Variants in PLCL2 observed in about 807,000 individuals in gnomAD.
The protein encoded by PLCL2 is phospholipase C like 2, also known as inactive phospholipase C-like protein 2.
A neutral mutation model predicts 79.6 loss-of-function variants in PLCL2; 4 were observed. The ratio of observed to expected loss-of-function variants is 0.05; its 90% confidence interval spans 0.02 to 0.11. The LOEUF (loss-of-function observed/expected upper bound fraction) is 0.11. Ranked by LOEUF, PLCL2 falls within the 10% of genes least tolerant of loss-of-function variation. PLCL2 has a pLI of 1.00. For synonymous variants in PLCL2, 484 were observed against 457.7 expected, an observed-to-expected ratio of 1.06 and a Z score of -0.73; for missense variants, 895 against 1,291.0, an observed-to-expected ratio of 0.69 and a Z score of 4.70.
intron 4 of PLCL2, among the ~76,000 whole-genome samples, chr3:17,062,937 C>T (rs2064966607): frequency 6.6e-6 from 1 of 152,042 alleles, no homozygotes; most frequent in Non-Finnish European, 1.5e-5. Flanking sequence ...CCTGAATCTG[C>T]CTTCCTGTTT....
At chr3:17,046,312 A>G (rs1367458242) in intron 4 of PLCL2, among the ~76,000 whole-genome samples, 1 of 152,206 alleles carries the variant, frequency 6.6e-6, no homozygotes, top group Admixed American at 6.5e-5. Flanking sequence ...AGTCTTTTCC[A>G]CTTTCTAATA....
chr3:16,991,555 A>G (rs1267610421), intron 1 of PLCL2, among the ~76,000 whole-genome samples: 2 of 152,166 alleles, frequency 1.3e-5, no homozygotes, highest in African/African-American at 2.4e-5. Context: ...AAGAAAATCC[A>G]TTATATCTTC....
Position 17,011,686 on chromosome 3 carries a change from T to A in PLCL2, c.2340T>A (p.Asp780Glu). ...CAGGTGCCAAAGGTGATGTGGTAGA[T>A]CCTTATGTCTATGTTGAAATCCATG... ...KGSGAKGDVV[D>E]PYVYVEIHGI... Residue 780 changes from aspartate to glutamate, a missense_variant, in exon 2 of 6, where the codon GAT (aspartate) becomes GAA (glutamate). Physicochemically the swap from Asp to Glu is conservative, Grantham distance 45. Coordinates refer to ENST00000615277, the MANE Select transcript of PLCL2 (RefSeq NM_001144382.2). This position sits in a 1 kb window ranked among gnomAD's most constrained non-coding sequence, Gnocchi z 7.9. 2.5e-6 allele frequency: 4 copies of A among 1,614,136 alleles called. No individual in the cohort carries two copies. The highest frequency in any genetic ancestry group is 3.4e-6 in the Non-Finnish European group (4 of 1,180,026).
intron 1 of PLCL2, among the ~76,000 whole-genome samples, chr3:16,896,679 G>C (rs1428759767): frequency 6.6e-6 from 1 of 152,168 alleles, no homozygotes; most frequent in South Asian, 2.1e-4. Flanking sequence ...GGACAAAATG[G>C]AGAGTTGTTT....
intron 1 of PLCL2, among the ~76,000 whole-genome samples, chr3:16,979,730 TC>T (rs1237073886): frequency 6.8e-6 from 1 of 146,324 alleles, no homozygotes; most frequent in East Asian, 2.1e-4. Flanking sequence ...GTCTCCCATG[TC>T]TACCTCTTTC....
At chr3:17,053,898 C>A (rs2064867695) in intron 4 of PLCL2, among the ~76,000 whole-genome samples, 1 of 152,220 alleles carries the variant, frequency 6.6e-6, no homozygotes, top group Non-Finnish European at 1.5e-5. Context: ...GGCCTTTTCC[C>A]CATTGTCCTG....
intron 1 of PLCL2, among the ~76,000 whole-genome samples, chr3:16,930,028 A>G (rs1453480604): frequency 6.6e-6 from 1 of 152,200 alleles, no homozygotes; most frequent in Non-Finnish European, 1.5e-5. Context: ...CCAAGGACAC[A>G]CAAGACTCCT....
chr3:16,916,676 A>G (rs964091018), intron 1 of PLCL2, among the ~76,000 whole-genome samples: 1 of 152,180 alleles, frequency 6.6e-6, no homozygotes, highest in Admixed American at 6.5e-5. Flanking sequence ...TTTTTAATTA[A>G]GAGGAAAAGT....
chr3:16,971,532 G>A (rs972513292), intron 1 of PLCL2, among the ~76,000 whole-genome samples: 1 of 152,112 alleles, frequency 6.6e-6, no homozygotes, highest in East Asian at 1.9e-4. Context: ...GGCAATGCGG[G>A]CTCTTTTTTG....
chr3:16,906,140 A>G (rs1696747864), intron 1 of PLCL2, among the ~76,000 whole-genome samples: 1 of 152,098 alleles, frequency 6.6e-6, no homozygotes, highest in South Asian at 2.1e-4. Context: ...AAAACGTTTT[A>G]TCTGAGCTAA....
intron 1 of PLCL2, among the ~76,000 whole-genome samples, chr3:16,979,321 A>G (rs2063956651): frequency 6.7e-6 from 1 of 149,336 alleles, no homozygotes; most frequent in South Asian, 2.2e-4. Flanking sequence ...CACTTTGAAA[A>G]GTAAAGTTTA....
chr3:17,030,295 C>T (rs1035390022), intron 3 of PLCL2, among the ~76,000 whole-genome samples: 4 of 152,078 alleles, frequency 2.6e-5, no homozygotes, highest in Non-Finnish European at 5.9e-5. Flanking sequence ...GACTATGTAC[C>T]TGTAAATAGC....
intron 1 of PLCL2, among the ~76,000 whole-genome samples, chr3:16,920,580 G>T (rs923514814): frequency 6.6e-6 from 1 of 152,176 alleles, no homozygotes; most frequent in African/African-American, 2.4e-5. Flanking sequence ...TGAGCCCTGT[G>T]AGTGGCTATT....
intron 5 of PLCL2, among the ~76,000 whole-genome samples, chr3:17,072,431 G>A (rs2065068493): frequency 6.6e-6 from 1 of 152,086 alleles, no homozygotes; most frequent in Admixed American, 6.5e-5. Flanking sequence ...CACTTTGGGA[G>A]GCCGAGCTGC....
intron 1 of PLCL2, among the ~76,000 whole-genome samples, chr3:16,999,050 T>G (rs939137128): frequency 6.6e-6 from 1 of 152,184 alleles, no homozygotes. Flanking sequence ...TTCTGGAGAT[T>G]ATGGGGATCA....
At chr3:17,080,077 T>A (rs762524434) in intron 5 of PLCL2, among the ~76,000 whole-genome samples, 9 of 152,160 alleles carry the variant, frequency 5.9e-5, no homozygotes, top group Non-Finnish European at 1.0e-4. Context: ...GGGAAGGCGG[T>A]CTTCCTGCTG....
At chr3:16,944,306 G>A (rs1405027976) in intron 1 of PLCL2, among the ~76,000 whole-genome samples, 1 of 152,138 alleles carries the variant, frequency 6.6e-6, no homozygotes, top group Admixed American at 6.5e-5. Context: ...TAACGTGCCA[G>A]AAGCCTACCC....
intron 1 of PLCL2, among the ~76,000 whole-genome samples, chr3:16,892,674 T>A (rs1490534442): frequency 1.3e-5 from 2 of 152,212 alleles, no homozygotes; most frequent in African/African-American, 4.8e-5. Flanking sequence ...TTTTGTCATG[T>A]AATGGTAGAA....
Position 16,959,063 on chromosome 3 carries a change from C to T in PLCL2, c.328-50611C>T, listed in dbSNP as rs566358458. 3.3e-5 allele frequency among the ~76,000 whole-genome samples: 5 copies of T among 152,340 alleles called. No individual in the cohort carries two copies. In the East Asian group the frequency reaches 9.6e-4, roughly 29 times the overall value. On this transcript the variant is annotated intron_variant, in intron 1 of 5. Transcript: ENST00000615277. ...AGCAAAGGATGCCCCAACTCTGCTC[C>T]AGTGCTAACCCCTTCACCTGTGTTT...
Sources: allele counts gnomAD v4.1 joint callset (sites outside exome capture counted in the v4.1 genomes callset), GRCh38; gene constraint gnomAD v4.1.1; non-coding constraint Gnocchi (gnomAD v3.1); transcripts MANE v1.5; gene names NCBI Gene and HGNC (gene_info 2026-07-23, HGNC 2026-07-21).